KIF6: variants seen among roughly 807,000 people sequenced by gnomAD.
The protein encoded by KIF6 is kinesin-like protein KIF6.
KIF6 carries 106 observed loss-of-function variants against 112.7 expected under a neutral mutation model. That is an observed-to-expected ratio of 0.94 (90% CI 0.80 to 1.11). The LOEUF (loss-of-function observed/expected upper bound fraction) is 1.11. Among genes scored for constraint, KIF6 ranks in the 50% least tolerant of loss-of-function variants. KIF6 has a pLI of 0.00. For synonymous variants in KIF6, 339 were observed against 339.9 expected, an observed-to-expected ratio of 1.00 and a Z score of 0.03; for missense variants, 929 against 964.0, an observed-to-expected ratio of 0.96 and a Z score of 0.48.
At chr6:39,398,935 T>C (rs1179961724) in intron 15 of KIF6, among the ~76,000 whole-genome samples, 4 of 152,166 alleles carry the variant, frequency 2.6e-5, no homozygotes, top group Non-Finnish European at 4.4e-5. Flanking sequence ...TCAAGAAAAA[T>C]AGATTACCAT....
rs1031556561 is a variant in KIF6, at chr6:39,576,638, G to A, written c.1181+1418C>T. On this transcript the variant is annotated intron_variant, in intron 10 of 22. Coordinates refer to ENST00000287152, the MANE Select transcript of KIF6 (RefSeq NM_145027.6). ...CCTGTGGCTCTTCAGTGGCTGCAGC[G>A]GCTGTCACACAGCACTCAGTATGGT... Among the ~76,000 whole-genome samples the A allele has an allele frequency of 3.3e-5, 5 of 152,122 alleles. No homozygotes were observed. In the South Asian group the frequency reaches 1.0e-3, roughly 32 times the overall value.
chr6:39,471,195 T>A (rs952649824), intron 13 of KIF6, among the ~76,000 whole-genome samples: 3 of 152,184 alleles, frequency 2.0e-5, no homozygotes, highest in Non-Finnish European at 4.4e-5. Context: ...GGTTCCTTCC[T>A]GAGGCAGCCT....
rs994268091 is a variant in KIF6, at chr6:39,653,205, T to C, written c.252-13448A>G. On this transcript the variant is annotated intron_variant, in intron 3 of 22. Transcript: ENST00000287152. Reference sequence around the variant, plus strand: ...AATGCAGTGCAGATTTGCAATACTTTCCTCTGGAGTACCTTGATTTTCATT... The same window carrying C: ...AATGCAGTGCAGATTTGCAATACTTCCCTCTGGAGTACCTTGATTTTCATT... Among the ~76,000 whole-genome samples the C allele has an allele frequency of 4.6e-5, 7 of 152,266 alleles. 1 individual carries two copies. Among genetic ancestry groups the C allele is most frequent in the Admixed American group, 2.0e-4 (3 of 15,286 alleles).
intron 3 of KIF6, among the ~76,000 whole-genome samples, chr6:39,644,485 G>A (rs1012504093): frequency 6.6e-6 from 1 of 152,104 alleles, no homozygotes; most frequent in African/African-American, 2.4e-5. Context: ...ATTTGGCAAG[G>A]AGAAGGCAGT....
intron 16 of KIF6, among the ~76,000 whole-genome samples, chr6:39,368,162 C>T (rs1330113540): frequency 1.3e-5 from 2 of 152,174 alleles, no homozygotes; most frequent in African/African-American, 4.8e-5. Context: ...AATAGGGCTT[C>T]AGGGGTTTGC....
At chr6:39,405,841 A>G (rs1419805923) in intron 15 of KIF6, among the ~76,000 whole-genome samples, 5 of 152,182 alleles carry the variant, frequency 3.3e-5, no homozygotes, top group Non-Finnish European at 7.4e-5. Flanking sequence ...ACTTTTAAGT[A>G]TGAATTCAAT....
At chr6:39,390,030 C>CCAAA (rs1767740855) in intron 15 of KIF6, among the ~76,000 whole-genome samples, 1 of 94,180 alleles carries the variant, frequency 1.1e-5, no homozygotes, top group Admixed American at 1.0e-4. Flanking sequence ...GACTCTGTCT[C>CCAAA]CAAAAAAAAA....
intron 3 of KIF6, among the ~76,000 whole-genome samples, chr6:39,667,582 C>T (rs963752006): frequency 2.0e-5 from 3 of 152,150 alleles, no homozygotes; most frequent in African/African-American, 7.2e-5. Context: ...AAACTGACAC[C>T]TAAAATTAAG....
chr6:39,399,183 A>C (rs997577137), intron 15 of KIF6, among the ~76,000 whole-genome samples: 21 of 152,258 alleles, frequency 1.4e-4, no homozygotes, highest in African/African-American at 4.1e-4. Context: ...ATCTATGCAC[A>C]TCCTTTTGGC....
chr6:39,672,148 G>A (rs534685169), intron 3 of KIF6, among the ~76,000 whole-genome samples: 1 of 152,300 alleles, frequency 6.6e-6, no homozygotes, highest in Non-Finnish European at 1.5e-5. Flanking sequence ...GGTGTAGGAA[G>A]TTGACTTTTT....
chr6:39,468,100 A>G (rs575000505), intron 13 of KIF6, among the ~76,000 whole-genome samples: 2 of 152,280 alleles, frequency 1.3e-5, no homozygotes, highest in Non-Finnish European at 1.5e-5. Context: ...AGGGCTCAAG[A>G]GGAGATTTGA....
At chr6:39,536,212 T>C (rs868372475) in intron 13 of KIF6, among the ~76,000 whole-genome samples, 16 of 149,992 alleles carry the variant, frequency 1.1e-4, no homozygotes, top group Non-Finnish European at 2.1e-4. Context: ...ATAACTAAAA[T>C]CAGAGCAGAA....
intron 10 of KIF6, 30 bp from the exon 11 acceptor site, chr6:39,545,718 T>A: frequency 7.1e-7 from 1 of 1,404,034 alleles, no homozygotes; most frequent in Non-Finnish European, 1.0e-6. Context: ...GAGAAGCAAC[T>A]GTGAGCTAGA....
At chr6:39,463,190 T>C (rs775477801) in intron 13 of KIF6, among the ~76,000 whole-genome samples, 9 of 152,196 alleles carry the variant, frequency 5.9e-5, no homozygotes, top group Non-Finnish European at 8.8e-5. Flanking sequence ...TGTAATCTTA[T>C]GGTGTCCCTT....
At chr6:39,588,035 C>T (rs575844249) in intron 7 of KIF6, among the ~76,000 whole-genome samples, 1 of 152,322 alleles carries the variant, frequency 6.6e-6, no homozygotes, top group South Asian at 2.1e-4. Flanking sequence ...AACTGGGACA[C>T]TACACTTTCC....
chr6:39,638,432 G>A (rs1490102175), intron 4 of KIF6, among the ~76,000 whole-genome samples: 3 of 152,122 alleles, frequency 2.0e-5, no homozygotes, highest in Non-Finnish European at 4.4e-5. Flanking sequence ...GTTGTGAAAT[G>A]TGGGAACAAA....
chr6:39,669,805 G>T (rs1434332008), intron 3 of KIF6, among the ~76,000 whole-genome samples: 1 of 152,230 alleles, frequency 6.6e-6, no homozygotes, highest in Admixed American at 6.5e-5. Flanking sequence ...GGCAGAGGTG[G>T]CCAGGTGCTG....
At chr6:39,341,115 C>T (rs896001077) in intron 22 of KIF6, among the ~76,000 whole-genome samples, 6 of 152,146 alleles carry the variant, frequency 3.9e-5, no homozygotes, top group Non-Finnish European at 8.8e-5. Context: ...CCTTTAGCTC[C>T]AGCCCAGTTC....
At chr6:39,364,122 T>G (rs1765381121) in intron 16 of KIF6, among the ~76,000 whole-genome samples, 1 of 151,408 alleles carries the variant, frequency 6.6e-6, no homozygotes, top group Non-Finnish European at 1.5e-5. Context: ...AGATGGAGTC[T>G]CGCACTGTCA....
Sources: gnomAD v4.1 joint callset for allele counts (sites outside exome capture counted in the v4.1 genomes callset) on GRCh38, gnomAD v4.1.1 for gene constraint, MANE v1.5 for transcripts, NCBI Gene and HGNC (gene_info 2026-07-23, HGNC 2026-07-21) for gene names.